Variants in PTPRT observed in about 807,000 individuals in gnomAD.
The protein encoded by PTPRT is protein tyrosine phosphatase receptor type T, also known as receptor-type tyrosine-protein phosphatase T.
In PTPRT, 56 loss-of-function variants were observed where a neutral mutation model predicts 176.8. That is an observed-to-expected ratio of 0.32 (90% CI 0.26 to 0.40). The LOEUF (loss-of-function observed/expected upper bound fraction) is 0.40. PTPRT is among the 10% of genes least tolerant of loss of function. The pLI is 1.00. For synonymous variants in PTPRT, 783 were observed against 739.0 expected, an observed-to-expected ratio of 1.06 and a Z score of -0.96; for missense variants, 1,540 against 1,908.2, an observed-to-expected ratio of 0.81 and a Z score of 3.60.
chr20:42,696,857 T>C (rs946413636), intron 6 of PTPRT, among the ~76,000 whole-genome samples: 5 of 152,134 alleles, frequency 3.3e-5, no homozygotes, highest in African/African-American at 1.2e-4. Flanking sequence ...GTAGCCCCAG[T>C]AGACACCCTG....
At chr20:42,849,784 C>T (rs2078438039) in intron 2 of PTPRT, among the ~76,000 whole-genome samples, 1 of 152,178 alleles carries the variant, frequency 6.6e-6, no homozygotes, top group Non-Finnish European at 1.5e-5. Context: ...TAGAACAGCA[C>T]CCAACACACA....
intron 7 of PTPRT, among the ~76,000 whole-genome samples, chr20:42,588,415 C>T (rs2073509543): frequency 6.6e-6 from 1 of 151,920 alleles, no homozygotes; most frequent in East Asian, 1.9e-4. Context: ...TGCCACTATA[C>T]CCAGCCTGGG....
intron 9 of PTPRT, among the ~76,000 whole-genome samples, chr20:42,361,797 C>A (rs1051220488): frequency 6.6e-6 from 1 of 152,160 alleles, no homozygotes; most frequent in Non-Finnish European, 1.5e-5. Flanking sequence ...GCAAATCATC[C>A]CTGCCCTCTT....
intron 2 of PTPRT, among the ~76,000 whole-genome samples, chr20:42,821,501 C>A (rs905323792): frequency 3.2e-4 from 48 of 152,010 alleles, no homozygotes; most frequent in African/African-American, 1.1e-3. Flanking sequence ...AAAACTGGTA[C>A]AGACAAGGAT....
chr20:42,443,661 C>A (rs2059338631), intron 9 of PTPRT, among the ~76,000 whole-genome samples: 1 of 152,086 alleles, frequency 6.6e-6, no homozygotes, highest in Admixed American at 6.5e-5. Context: ...GGTTTCATAG[C>A]CCTGGAGTGG....
intron 7 of PTPRT, among the ~76,000 whole-genome samples, chr20:42,538,009 T>G (rs1279287351): frequency 2.6e-5 from 4 of 152,170 alleles, no homozygotes; most frequent in African/African-American, 9.7e-5. Context: ...ATGTGTCAGA[T>G]ATCATTCCAA....
intron 4 of PTPRT, among the ~76,000 whole-genome samples, chr20:42,779,808 G>A (rs1290968414): frequency 6.6e-6 from 1 of 151,210 alleles, no homozygotes; most frequent in Admixed American, 6.6e-5. Context: ...TCCCTGTGAG[G>A]GAACAGTGTG....
chr20:42,517,972 C>T (rs1349995778), intron 7 of PTPRT, among the ~76,000 whole-genome samples: 3 of 151,836 alleles, frequency 2.0e-5, no homozygotes, highest in East Asian at 3.9e-4. Flanking sequence ...AATCGTCATC[C>T]TGATAGTATA....
chr20:43,011,839 C>T (rs1256902390), intron 1 of PTPRT, among the ~76,000 whole-genome samples: 5 of 152,172 alleles, frequency 3.3e-5, no homozygotes, highest in Non-Finnish European at 7.3e-5. Context: ...AATCAGCTGC[C>T]ATGTGACTGG....
In PTPRT at chr20:42,659,191, G is replaced by A. The variant is rs368587203; in HGVS notation, c.1153+18675C>T. Among the ~76,000 whole-genome samples the A allele has an allele frequency of 1.0e-3, 154 of 152,160 alleles. 1 individual carries two copies. Among genetic ancestry groups the A allele is most frequent in the South Asian group, 8.7e-3 (42 of 4,802 alleles). ...AAGTTTGAACAGCTCCAGGCACCAG[G>A]AACTCTCTAACTCTCAAAAAAAACA... On this transcript the variant is annotated intron_variant, in intron 7 of 30. Coordinates refer to ENST00000373187, the MANE Select transcript of PTPRT (RefSeq NM_007050.6).
At chr20:43,095,377 A>C (rs934649879) in intron 1 of PTPRT, among the ~76,000 whole-genome samples, 1 of 151,882 alleles carries the variant, frequency 6.6e-6, no homozygotes, top group Non-Finnish European at 1.5e-5. Flanking sequence ...GTGGAGGTTA[A>C]GTGACTCGTC....
chr20:42,919,276 A>G (rs942320604), intron 1 of PTPRT, among the ~76,000 whole-genome samples: 6 of 152,110 alleles, frequency 3.9e-5, no homozygotes, highest in African/African-American at 1.4e-4. Flanking sequence ...GCTGGGGGAG[A>G]GCTAGATGGA....
At chr20:42,955,578 C>A (rs1268915136) in intron 1 of PTPRT, among the ~76,000 whole-genome samples, 1 of 152,172 alleles carries the variant, frequency 6.6e-6, no homozygotes, top group Non-Finnish European at 1.5e-5. Flanking sequence ...TTATAACATC[C>A]TTTCACTTGT....
chr20:42,679,804 C>T (rs1466278677), intron 6 of PTPRT, among the ~76,000 whole-genome samples: 3 of 152,132 alleles, frequency 2.0e-5, no homozygotes, highest in African/African-American at 7.2e-5. Context: ...TAACTATTCT[C>T]TGATTGCTGG....
chr20:42,569,964 G>A (rs1446746809), intron 7 of PTPRT, among the ~76,000 whole-genome samples: 1 of 152,190 alleles, frequency 6.6e-6, no homozygotes, highest in African/African-American at 2.4e-5. Flanking sequence ...TACAGAAGAA[G>A]ACACTGAAGA....
intron 7 of PTPRT, among the ~76,000 whole-genome samples, chr20:42,621,175 C>G (rs1425854903): frequency 6.6e-6 from 1 of 152,162 alleles, no homozygotes; most frequent in Non-Finnish European, 1.5e-5. Context: ...CCCCTCTGCC[C>G]TGTCCTAAAG....
rs1219018865 is a variant in PTPRT, at chr20:43,186,356, C to G, written c.88+3290G>C. Among the ~76,000 whole-genome samples, 6 of 152,204 alleles carry G rather than the reference C, an allele frequency of 3.9e-5. No individual in the cohort carries two copies. The South Asian group carries it at 1.2e-3, about 32-fold the overall frequency. ...TTCCCCTGCGCCCACCCTCGCCCCC[C>G]CATTATAGCTGCCGTGAGACTCTAC... On this transcript the variant is annotated intron_variant, in intron 1 of 30. Transcript: ENST00000373187.
chr20:43,106,378 C>G (rs566474306), intron 1 of PTPRT, among the ~76,000 whole-genome samples: 1 of 152,276 alleles, frequency 6.6e-6, no homozygotes, highest in East Asian at 1.9e-4. Context: ...ACATATGTGG[C>G]CGGGTGCAGT....
intron 1 of PTPRT, among the ~76,000 whole-genome samples, chr20:43,020,866 T>G (rs552298834): frequency 6.6e-6 from 1 of 152,156 alleles, no homozygotes; most frequent in African/African-American, 2.4e-5. Context: ...TTAAGGATGA[T>G]GCTGCTGCTG....
Sources: gnomAD v4.1 joint callset for allele counts (sites outside exome capture counted in the v4.1 genomes callset) on GRCh38, gnomAD v4.1.1 for gene constraint, MANE v1.5 for transcripts, NCBI Gene and HGNC (gene_info 2026-07-23, HGNC 2026-07-21) for gene names.